Variants in IL1RAPL2 observed in about 807,000 individuals in gnomAD.
The protein encoded by IL1RAPL2 is X-linked interleukin-1 receptor accessory protein-like 2.
IL1RAPL2 carries 3 observed loss-of-function variants against 44.1 expected under a neutral mutation model. The ratio of observed to expected loss-of-function variants is 0.07; its 90% CI spans 0.03 to 0.18. The LOEUF (loss-of-function observed/expected upper bound fraction) is 0.18, where lower values mean the gene tolerates loss of function less well. IL1RAPL2 is among the 10% of genes least tolerant of loss of function. The probability of loss-of-function intolerance (pLI) is 1.00; values close to 1 mark genes in which losing one functional copy is unlikely to be tolerated. For missense variants in IL1RAPL2, 391 were observed against 496.4 expected (o/e 0.79, Z 2.02); for synonymous variants, 181 against 178.8 (o/e 1.01, Z -0.10).
chrX:105,193,491 G>C (rs1556138465), intron 2 of IL1RAPL2, among the ~76,000 whole-genome samples: 1 of 111,513 alleles, frequency 9.0e-6, no homozygotes, highest in Non-Finnish European at 1.9e-5. Context: ...TTTATAAAAA[G>C]AATAATATAA....
intron 2 of IL1RAPL2, among the ~76,000 whole-genome samples, chrX:104,964,950 G>C (rs930621083): frequency 1.8e-5 from 2 of 110,998 alleles, no homozygotes; most frequent in African/African-American, 6.6e-5. Context: ...TGGTATTACA[G>C]GTGTGAGTCA....
chrX:104,800,716 C>A (rs1204677565), intron 2 of IL1RAPL2, among the ~76,000 whole-genome samples: 1 of 112,630 alleles, frequency 8.9e-6, no homozygotes, highest in African/African-American at 3.2e-5. Flanking sequence ...AGTTGTGAAG[C>A]ACTGGTTTAT....
At chrX:104,731,912 G>T (rs1396126597) in intron 2 of IL1RAPL2, among the ~76,000 whole-genome samples, 1 of 111,677 alleles carries the variant, frequency 9.0e-6, no homozygotes, top group East Asian at 2.8e-4. Context: ...TCTAAAAATT[G>T]ACTGTGTACT....
intron 5 of IL1RAPL2, among the ~76,000 whole-genome samples, chrX:105,418,199 G>A (rs2035748028): frequency 1.8e-5 from 2 of 108,514 alleles, no homozygotes; most frequent in African/African-American, 7.0e-5. Context: ...TATAGTTAGT[G>A]CTCAACACAT....
At chrX:105,732,760 C>T (rs1300076345) in intron 7 of IL1RAPL2, among the ~76,000 whole-genome samples, 1 of 111,352 alleles carries the variant, frequency 9.0e-6, no homozygotes, top group Non-Finnish European at 1.9e-5. Flanking sequence ...CAAATAACAC[C>T]ATACCATGTC....
At chrX:105,266,032 A>T in intron 4 of IL1RAPL2, among the ~76,000 whole-genome samples, 1 of 105,479 alleles carries the variant, frequency 9.5e-6, no homozygotes, top group Non-Finnish European at 1.9e-5. Flanking sequence ...GACAGAATTT[A>T]CATGATAAAA....
At chrX:105,400,245 G>A (rs1222780588) in intron 5 of IL1RAPL2, among the ~76,000 whole-genome samples, 3 of 111,183 alleles carry the variant, frequency 2.7e-5, no homozygotes, top group Non-Finnish European at 5.7e-5. Flanking sequence ...TTGTATTATA[G>A]TCACCACCCT....
intron 1 of IL1RAPL2, among the ~76,000 whole-genome samples, chrX:104,583,192 T>C (rs1368784824): frequency 1.8e-5 from 2 of 110,546 alleles, no homozygotes; most frequent in Admixed American, 2.0e-4. Context: ...TTGGCCCAGG[T>C]TTTTCTTTCA....
At chrX:104,636,104 T>G (rs1271316874) in intron 1 of IL1RAPL2, among the ~76,000 whole-genome samples, 1 of 111,885 alleles carries the variant, frequency 8.9e-6, no homozygotes, top group Non-Finnish European at 1.9e-5. Flanking sequence ...TTTCTGGAGG[T>G]CCACTCCAGA....
rs552027347 is a variant in IL1RAPL2 at position 105,498,377 on chromosome X, T to C, written c.772+13990T>C. ...CTGTATAATAAAAACCACAAAACAT[T>C]GCTGAGATAAAGAAGGCACAAATAA... On this transcript the variant is annotated intron_variant, in intron 6 of 10. Transcript: ENST00000372582. Among the ~76,000 whole-genome samples the C allele has an allele frequency of 8.6e-4, 96 of 111,536 alleles. 1 individual carries two copies. In the South Asian group the frequency reaches 0.036, roughly 42 times the overall value.
At chrX:105,118,969 G>A (rs941308373) in intron 2 of IL1RAPL2, among the ~76,000 whole-genome samples, 4 of 111,707 alleles carry the variant, frequency 3.6e-5, no homozygotes, top group South Asian at 3.8e-4. Flanking sequence ...GTGGTTAGCC[G>A]TGCCAGTGTC....
chrX:105,588,581 C>CT (rs34145821), intron 6 of IL1RAPL2, among the ~76,000 whole-genome samples: 56,084 of 109,342 alleles, frequency 0.51, 12,924 homozygotes, highest in African/African-American at 0.9. Flanking sequence ...CTATTGTTCC[C>CT]TTTTTGTGTC....
intron 5 of IL1RAPL2, among the ~76,000 whole-genome samples, chrX:105,448,686 T>C: frequency 9.0e-6 from 1 of 111,070 alleles, no homozygotes; most frequent in East Asian, 2.8e-4. Context: ...ACTCTTATAT[T>C]TGCCCTTTCC....
At chrX:105,071,782 C>T (rs1441988451) in intron 2 of IL1RAPL2, among the ~76,000 whole-genome samples, 36 of 111,972 alleles carry the variant, frequency 3.2e-4, no homozygotes, top group Non-Finnish European at 1.3e-4. Flanking sequence ...GGACTAGTCT[C>T]TTCCATACGT....
chrX:104,863,049 C>G (rs1922532675), intron 2 of IL1RAPL2, among the ~76,000 whole-genome samples: 1 of 111,723 alleles, frequency 9.0e-6, no homozygotes, highest in Non-Finnish European at 1.9e-5. Context: ...AAATAAAACA[C>G]AATGTTGGCA....
At chrX:104,937,489 G>A (rs746662457) in intron 2 of IL1RAPL2, among the ~76,000 whole-genome samples, 2 of 112,213 alleles carry the variant, frequency 1.8e-5, no homozygotes, top group African/African-American at 6.5e-5. Context: ...CCATTTGAAA[G>A]TGATACCCAT....
intron 2 of IL1RAPL2, among the ~76,000 whole-genome samples, chrX:105,177,379 T>C (rs1318171618): frequency 1.8e-5 from 2 of 110,728 alleles, no homozygotes; most frequent in Non-Finnish European, 3.8e-5. Flanking sequence ...TGATTCTACA[T>C]TATGGTGAGT....
chrX:104,570,528 T>C (rs886223084), intron 1 of IL1RAPL2, among the ~76,000 whole-genome samples: 2 of 111,369 alleles, frequency 1.8e-5, no homozygotes, highest in Admixed American at 1.9e-4. Context: ...CACCTCTATT[T>C]TAAAAATGTG....
At chrX:105,489,068 G>T (rs1017829542) in intron 6 of IL1RAPL2, among the ~76,000 whole-genome samples, 1 of 111,801 alleles carries the variant, frequency 8.9e-6, no homozygotes, top group Non-Finnish European at 1.9e-5. Context: ...TATATTTTGA[G>T]ATGATAAACA....
Sources: allele counts gnomAD v4.1 joint callset (sites outside exome capture counted in the v4.1 genomes callset), GRCh38; gene constraint gnomAD v4.1.1; transcripts MANE v1.5; gene names NCBI Gene and HGNC (gene_info 2026-07-23, HGNC 2026-07-21).